PHC1: variants seen among roughly 807,000 people sequenced by gnomAD.
PHC1 encodes the protein polyhomeotic-like protein 1.
In PHC1, 12 loss-of-function variants were observed where a neutral mutation model predicts 104.3. That is an observed-to-expected ratio of 0.12 (90% confidence interval 0.07 to 0.19). PHC1 has a LOEUF of 0.19. Ranked by LOEUF, PHC1 falls within the 10% of genes least tolerant of loss-of-function variation. PHC1 has a pLI of 1.00. For synonymous variants in PHC1, 302 were observed against 455.8 expected, an observed-to-expected ratio of 0.66 and a Z score of 4.30; for missense variants, 671 against 1,200.0, an observed-to-expected ratio of 0.56 and a Z score of 6.51.
intron 6 of PHC1, among the ~76,000 whole-genome samples, chr12:8,928,967 G>A (rs761956029): frequency 7.2e-5 from 11 of 152,140 alleles, no homozygotes; most frequent in East Asian, 3.9e-4. Context: ...ATTCCAGGTC[G>A]TGGTTGCTAA....
chr12:8,923,654 C>A (rs1945428183), intron 6 of PHC1, among the ~76,000 whole-genome samples: 1 of 151,820 alleles, frequency 6.6e-6, no homozygotes, highest in Admixed American at 6.6e-5. Context: ...TGGTGAAACC[C>A]CGTCTCTACT....
intron 2 of PHC1, among the ~76,000 whole-genome samples, chr12:8,918,659 C>T (rs776680480): frequency 1.3e-5 from 2 of 152,088 alleles, no homozygotes; most frequent in South Asian, 4.2e-4. Context: ...TTACATTAAT[C>T]GGCATTTTGT....
Position 8,930,680 on chromosome 12 carries a change from G to C in PHC1, c.858G>C (p.Gln286His), listed in dbSNP as rs1000145712. 1.5e-6 allele frequency: 2 copies of C among 1,358,416 alleles called. No individual in the cohort carries two copies. Among genetic ancestry groups the C allele is most frequent in the Admixed American group, 4.4e-5 (2 of 45,436 alleles). 84.1% of individuals were successfully genotyped at this position (1,358,416 alleles called of 1,614,324 possible). Residue 286 changes from glutamine to histidine, a missense_variant, in exon 7 of 15, where the codon CAG (glutamine) becomes CAC (histidine). Physicochemically the swap from Gln to His is conservative, Grantham distance 24. This residue lies in a region of PHC1 where 78 missense variants were observed against 140.8 expected (regional missense o/e 0.55). Coordinates refer to ENST00000544916, the MANE Select transcript of PHC1 (RefSeq NM_004426.3). The stretch of plus-strand genomic sequence containing the variant: ...CCATGGGTCCAGGTGGAGGTGGGCA[G>C]GCACATGGTGGTTTGGGTCAGTTGC... ...PGSMGPGGGG[Q>H]AHGGLGQLPS... is the part of the protein sequence containing the mutation.
chr12:8,936,992 T>TCA (rs761659787), intron 12 of PHC1, 28 bp downstream of exon 12: 1 of 1,492,900 alleles, frequency 6.7e-7, no homozygotes, highest in Non-Finnish European at 9.3e-7. Context: ...CTCCTTGCCC[T>TCA]CAGCACTGGT....
Position 8,937,873 on chromosome 12 carries a change from T to C in PHC1, c.2673T>C (p.Asp891=), listed in dbSNP as rs1297635626. The change falls in exon 14 of 15, where the codon GAT becomes GAC. Residue 891 remains aspartate, a synonymous_variant. Coordinates refer to ENST00000544916, the MANE Select transcript of PHC1 (RefSeq NM_004426.3). The stretch of plus-strand genomic sequence containing the variant: ...GGGGTTCAGATAATTCCAGTTATGA[T>C]GAAGCACTCTCTCCAACATCTCCTG... The part of the protein sequence containing the change: ...SSRGSDNSSY[D]EALSPTSPGP... 1 of 1,613,240 alleles carries C rather than the reference T, an allele frequency of 6.2e-7. No individual in the cohort carries two copies. The highest frequency in any genetic ancestry group is 1.3e-5 in the African/African-American group (1 of 74,918).
chr12:8,928,195 A>G (rs1341662112), intron 6 of PHC1, among the ~76,000 whole-genome samples: 1 of 152,140 alleles, frequency 6.6e-6, no homozygotes, highest in African/African-American at 2.4e-5. Flanking sequence ...GGCGTGAGCC[A>G]CTGCACCGGC....
chr12:8,934,086 A>G, intron 9 of PHC1, 74 bp downstream of exon 9: 1 of 1,548,972 alleles, frequency 6.5e-7, no homozygotes, highest in Non-Finnish European at 8.9e-7. Flanking sequence ...TAAAAGATAA[A>G]ACTGGTTGAG....
Position 8,933,810 on chromosome 12 carries a change from C to T in PHC1, c.1894-55C>T, listed in dbSNP as rs758103235. 1.4e-5 allele frequency: 20 copies of T among 1,454,416 alleles called. No homozygotes were observed. The African/African-American group carries it at 2.7e-4, about 19-fold the overall frequency. The allele number at this position is 1,454,416 out of a possible 1,614,324, so 90.1% of individuals were successfully genotyped here. A position where few individuals can be genotyped will look rare whatever the true frequency, so the allele number is the denominator to read the frequency against. On this transcript the variant is annotated intron_variant, in intron 8 of 14. Coordinates refer to ENST00000544916, the MANE Select transcript of PHC1 (RefSeq NM_004426.3). ...TGAACATATGGTAATAATTGTGGTTCCTTATTATCCTTCATTTGTACATCT... is the reference window on the plus strand; with the variant it reads ...TGAACATATGGTAATAATTGTGGTTTCTTATTATCCTTCATTTGTACATCT...
At position 8,917,690 on chromosome 12, in the gene PHC1, A is replaced by C. The variant is rs776812779; in HGVS notation, c.13A>C (p.Ser5Arg). 31 of 1,555,880 alleles carry C rather than the reference A, an allele frequency of 2.0e-5. No individual in the cohort carries two copies. The highest frequency in any genetic ancestry group is 2.6e-5 in the Non-Finnish European group (30 of 1,153,282). ...CTGGACCACTATCATGGAGACTGAG[A>C]GCGAGCAGAACTCCAATTCCACCAA... METE[S>R]EQNSNSTNGS... Residue 5 changes from serine (S) to arginine (R), a missense_variant, in exon 2 of 15, where the codon AGC becomes CGC. This residue lies in a region of PHC1 where 237 missense variants were observed against 331.1 expected (regional missense o/e 0.72). Coordinates refer to ENST00000544916, the MANE Select transcript of PHC1 (RefSeq NM_004426.3).
chr12:8,930,334 T>C, intron 6 of PHC1, 101 bp from the exon 7 acceptor site: 1 of 1,499,014 alleles, frequency 6.7e-7, no homozygotes, highest in Non-Finnish European at 9.0e-7. Context: ...GCTGAGGTAT[T>C]CTGTGGAATA....
At chr12:8,927,863 TTC>T (rs2137093366) in intron 6 of PHC1, among the ~76,000 whole-genome samples, 1 of 83,848 alleles carries the variant, frequency 1.2e-5, no homozygotes, top group East Asian at 3.3e-4. Context: ...TTTTCTTTCT[TTC>T]TTTCTTTCTT....
At chr12:8,923,162 A>G (rs1228020566) in intron 6 of PHC1, among the ~76,000 whole-genome samples, 1 of 152,158 alleles carries the variant, frequency 6.6e-6, no homozygotes, top group African/African-American at 2.4e-5. Flanking sequence ...GTTAGATGTA[A>G]AGCTGACCTG....
At position 8,939,574 on chromosome 12, in the gene PHC1, T is replaced by C; in HGVS notation, c.*115T>C. ...GAGTTGTTCCAATCATGTAACCTTC[T>C]GTAGGGGATTACTGAGACAGGGAAG... On this transcript the variant is annotated 3_prime_UTR_variant, in exon 15 of 15. Transcript: ENST00000544916. The C allele has an allele frequency of 3.2e-6, 2 of 620,350 alleles. No individual in the cohort carries two copies. Among genetic ancestry groups the C allele is most frequent in the Non-Finnish European group, 5.6e-6 (2 of 358,010 alleles). The allele number at this position is 620,350 out of a possible 1,614,324, so 38.4% of individuals were successfully genotyped here. A position where few individuals can be genotyped will look rare whatever the true frequency, so the allele number is the denominator to read the frequency against.
At chr12:8,925,966 A>T (rs1945500951) in intron 6 of PHC1, among the ~76,000 whole-genome samples, 1 of 152,192 alleles carries the variant, frequency 6.6e-6, no homozygotes, top group African/African-American at 2.4e-5. Context: ...ATGGACAGAA[A>T]TGCATAGATT....
Position 8,934,149 on chromosome 12 carries a change from A to G in PHC1, c.2042-118A>G, listed in dbSNP as rs763245606. The G allele has an allele frequency of 8.5e-5, 110 of 1,296,444 alleles. No individual in the cohort carries two copies. The Middle Eastern group carries it at 9.4e-4, about 11-fold the overall frequency. The allele number at this position is 1,296,444 out of a possible 1,614,324, so 80.3% of individuals were successfully genotyped here. Reference sequence around the variant, plus strand: ...AAATGAATAGATCCAAAAACAGGGAATCCAGGTGAATTGTCAAGGGTGGAC... The same window carrying G: ...AAATGAATAGATCCAAAAACAGGGAGTCCAGGTGAATTGTCAAGGGTGGAC... On this transcript the variant is annotated intron_variant, in intron 9 of 14. Transcript: ENST00000544916.
At chr12:8,920,412 A>G (rs1199750245) in intron 3 of PHC1, among the ~76,000 whole-genome samples, 1 of 152,202 alleles carries the variant, frequency 6.6e-6, no homozygotes, top group Non-Finnish European at 1.5e-5. Context: ...GACCTGACCA[A>G]AAGATCTTTT....
chr12:8,937,103 G>A lies in PHC1; in HGVS notation c.2478-73G>A, dbSNP rs1313912685. 1.9e-5 allele frequency: 29 copies of A among 1,525,834 alleles called. No homozygotes were observed. The Admixed American group carries it at 4.7e-4, about 24-fold the overall frequency. The allele number at this position is 1,525,834 out of a possible 1,614,324, so 94.5% of individuals were successfully genotyped here. On this transcript the variant is annotated intron_variant, in intron 12 of 14. Coordinates refer to ENST00000544916, the MANE Select transcript of PHC1 (RefSeq NM_004426.3). ...TTCCCTTCCCCAAATCAGCTCATAAGCAGAAATTCACATTTAGAGCAGGGT... is the reference window on the plus strand; with the variant it reads ...TTCCCTTCCCCAAATCAGCTCATAAACAGAAATTCACATTTAGAGCAGGGT...
chr12:8,918,674 T>A (rs1435320506), intron 2 of PHC1, among the ~76,000 whole-genome samples: 1 of 152,152 alleles, frequency 6.6e-6, no homozygotes, highest in Non-Finnish European at 1.5e-5. Context: ...TTTTGTTTAT[T>A]TTCACCCGAT....
chr12:8,935,194 A>C lies in PHC1; in HGVS notation c.2324A>C (p.Glu775Ala), dbSNP rs1362416622. 1 of 1,590,460 alleles carries C rather than the reference A, an allele frequency of 6.3e-7. No individual in the cohort carries two copies. The highest frequency in any genetic ancestry group is 1.1e-5 in the South Asian group (1 of 87,978). ...ACTGGCCTTCCGACAGGGCTGACTG[A>C]GAATCAGTCAGGTGGCCCTTTGGGA... is the stretch of plus-strand genomic sequence containing the variant. ...LQTGLPTGLTENQSGGPLGVD... is the reference protein window; with the variant it reads ...LQTGLPTGLTANQSGGPLGVD... The change falls in exon 11 of 15, where the codon GAG becomes GCG. Residue 775 changes from glutamate to alanine, a missense_variant. By Grantham distance (107) the Glu-to-Ala change is moderately radical. Coordinates refer to ENST00000544916, the MANE Select transcript of PHC1 (RefSeq NM_004426.3).
Sources: gnomAD v4.1 joint callset for allele counts (sites outside exome capture counted in the v4.1 genomes callset) on GRCh38, gnomAD v4.1.1 for gene constraint, gnomAD v4.1.1 regional missense constraint, MANE v1.5 for transcripts, NCBI Gene and HGNC (gene_info 2026-07-23, HGNC 2026-07-21) for gene names.